TRHDE: variants seen among roughly 807,000 people sequenced by gnomAD.
TRHDE encodes the protein thyrotropin-releasing hormone-degrading ectoenzyme.
TRHDE carries 72 observed loss-of-function variants against 125.7 expected under a neutral mutation model. The ratio of observed to expected loss-of-function variants is 0.57; its 90% confidence interval spans 0.47 to 0.70. The LOEUF is 0.70. TRHDE is among the 30% of genes least tolerant of loss of function. The probability of loss-of-function intolerance (pLI) is 0.00; values close to 1 mark genes in which losing one functional copy is unlikely to be tolerated. For synonymous variants in TRHDE, 509 were observed against 509.1 expected, an observed-to-expected ratio of 1.00 and a Z score of 0.00; for missense variants, 1,110 against 1,327.1, an observed-to-expected ratio of 0.84 and a Z score of 2.54.
intron 4 of TRHDE, among the ~76,000 whole-genome samples, chr12:72,472,140 G>T (rs939603849): frequency 1.9e-4 from 29 of 152,072 alleles, no homozygotes; most frequent in African/African-American, 6.8e-4. Context: ...AGTTTGTTAG[G>T]ATCTGAAATT....
At chr12:72,612,946 G>T (rs1480254794) in intron 12 of TRHDE, among the ~76,000 whole-genome samples, 1 of 152,170 alleles carries the variant, frequency 6.6e-6, no homozygotes, top group East Asian at 1.9e-4. Context: ...ACAGAAGTTA[G>T]CATGTGTAGA....
At chr12:72,629,565 G>A (rs776420345) in intron 15 of TRHDE, among the ~76,000 whole-genome samples, 1 of 151,420 alleles carries the variant, frequency 6.6e-6, no homozygotes, top group Non-Finnish European at 1.5e-5. Context: ...GATTCACATG[G>A]GCAACTAAGA....
chr12:72,621,226 C>T, intron 14 of TRHDE, 21 bp downstream of exon 14: 2 of 1,493,618 alleles, frequency 1.3e-6, no homozygotes, highest in Non-Finnish European at 1.9e-6. Flanking sequence ...ATTTTCTTAT[C>T]CTCTTCTTTA....
chr12:72,612,126 A>T, intron 12 of TRHDE, among the ~76,000 whole-genome samples: 1 of 152,048 alleles, frequency 6.6e-6, no homozygotes, highest in Non-Finnish European at 1.5e-5. Context: ...TCCTATCTCA[A>T]AACCTTTGAA....
chr12:72,199,167 G>C (rs765822850), intron 2 of TRHDE, among the ~76,000 whole-genome samples: 1 of 152,120 alleles, frequency 6.6e-6, no homozygotes, highest in African/African-American at 2.4e-5. Flanking sequence ...GTGAGTGTGA[G>C]GTTGCCTCAG....
At chr12:72,614,040 CA>C (rs1365271759) in intron 12 of TRHDE, among the ~76,000 whole-genome samples, 1 of 151,838 alleles carries the variant, frequency 6.6e-6, no homozygotes, top group Non-Finnish European at 1.5e-5. Flanking sequence ...GAGAGTGAGT[CA>C]GGGGGAGGTG....
chr12:72,217,581 A>G (rs1378555842), intron 2 of TRHDE, among the ~76,000 whole-genome samples: 1 of 152,156 alleles, frequency 6.6e-6, no homozygotes, highest in Non-Finnish European at 1.5e-5. Context: ...TAATCTCTAT[A>G]AAACCCAGAA....
intron 3 of TRHDE, among the ~76,000 whole-genome samples, chr12:72,414,729 T>C (rs930337172): frequency 1.3e-5 from 2 of 152,134 alleles, no homozygotes; most frequent in Non-Finnish European, 2.9e-5. Context: ...AGACATGGAA[T>C]GTATTAATTG....
At chr12:72,473,559 A>C (rs1239944040) in intron 5 of TRHDE, among the ~76,000 whole-genome samples, 2 of 152,142 alleles carry the variant, frequency 1.3e-5, no homozygotes, top group African/African-American at 4.8e-5. Flanking sequence ...CATGAGATAA[A>C]ACACAAAAAA....
chr12:72,411,619 CT>C, intron 3 of TRHDE, among the ~76,000 whole-genome samples: 1 of 152,154 alleles, frequency 6.6e-6, no homozygotes, highest in South Asian at 2.1e-4. Context: ...TTAGCAGGCT[CT>C]TTTGTTCAAT....
At chr12:72,544,713 C>T (rs975565943) in intron 7 of TRHDE, among the ~76,000 whole-genome samples, 9 of 151,296 alleles carry the variant, frequency 5.9e-5, no homozygotes, top group African/African-American at 1.9e-4. Flanking sequence ...TGTATCCTTA[C>T]GACCCACCTT....
chr12:72,481,222 G>T (rs1877153472), intron 5 of TRHDE, among the ~76,000 whole-genome samples: 1 of 151,598 alleles, frequency 6.6e-6, no homozygotes, highest in Non-Finnish European at 1.5e-5. Flanking sequence ...CACTTTATGG[G>T]ACTTTTCTTT....
intron 2 of TRHDE, among the ~76,000 whole-genome samples, chr12:72,252,358 T>C (rs1407298050): frequency 6.6e-6 from 1 of 152,126 alleles, no homozygotes; most frequent in Non-Finnish European, 1.5e-5. Context: ...GGGTGCTCAC[T>C]GCTTCAGCAC....
chr12:72,123,907 T>G (rs1408322062), intron 2 of TRHDE, among the ~76,000 whole-genome samples: 1 of 152,294 alleles, frequency 6.6e-6, no homozygotes, highest in South Asian at 2.1e-4. Context: ...AAAAGGAATC[T>G]TACAATATAT....
intron 1 of TRHDE, among the ~76,000 whole-genome samples, chr12:72,093,357 T>C (rs1874836138): frequency 6.6e-6 from 1 of 152,206 alleles, no homozygotes; most frequent in Admixed American, 6.5e-5. Flanking sequence ...AATCTGGATG[T>C]TTAGATTCCT....
At chr12:72,646,608 C>T (rs1874290395) in intron 15 of TRHDE, among the ~76,000 whole-genome samples, 2 of 151,880 alleles carry the variant, frequency 1.3e-5, no homozygotes, top group African/African-American at 2.4e-5. Context: ...GCTTTAAGGA[C>T]ACATATAGGC....
At chr12:72,384,143 A>G (rs968595752) in intron 3 of TRHDE, among the ~76,000 whole-genome samples, 5 of 152,154 alleles carry the variant, frequency 3.3e-5, no homozygotes, top group African/African-American at 1.2e-4. Flanking sequence ...ATACTGTAAT[A>G]TTTTGTTATT....
intron 12 of TRHDE, among the ~76,000 whole-genome samples, chr12:72,597,455 G>A (rs1871989605): frequency 6.6e-6 from 1 of 151,762 alleles, no homozygotes; most frequent in Non-Finnish European, 1.5e-5. Context: ...ATCACCTGAG[G>A]TCAGGAGTTC....
rs1486663500 is a variant in TRHDE, at chr12:72,669,849, TC to T, written c.*6655del. 1 of 131,066 alleles carries T rather than the reference TC, an allele frequency of 7.6e-6. No individual in the cohort carries two copies. The highest frequency in any genetic ancestry group is 8.6e-5 in the Admixed American group (1 of 11,670). The allele number at this position is 131,066 out of a possible 1,614,324, so 8.1% of individuals were successfully genotyped here. A position where few individuals can be genotyped will look rare whatever the true frequency, so the allele number is the denominator to read the frequency against. Reference sequence around the variant, plus strand: ...ATATTGCCACATATAAAGATATTTTTCATTTTTCATTTTTCATTGCTATCTT... The same window carrying T: ...ATATTGCCACATATAAAGATATTTTTATTTTTCATTTTTCATTGCTATCTT... On this transcript the variant is annotated 3_prime_UTR_variant, in exon 19 of 19. Coordinates refer to ENST00000261180, the MANE Select transcript of TRHDE (RefSeq NM_013381.3).
Sources: allele counts gnomAD v4.1 joint callset (sites outside exome capture counted in the v4.1 genomes callset), GRCh38; gene constraint gnomAD v4.1.1; transcripts MANE v1.5; gene names NCBI Gene and HGNC (gene_info 2026-07-23, HGNC 2026-07-21).